The following RAB38 variants were observed in gnomAD, a reference collection of about 807,000 sequenced individuals.
The protein encoded by RAB38 is RAB38, member RAS oncogene family, also known as ras-related protein Rab-38.
In RAB38, 15 loss-of-function variants were observed where a neutral mutation model predicts 18.4. The observed-to-expected ratio is 0.82, with a 90% confidence interval of 0.55 to 1.26. The LOEUF (loss-of-function observed/expected upper bound fraction) is 1.26. RAB38 is among the 50% of genes most tolerant of loss of function. RAB38 has a pLI of 0.00. For synonymous variants in RAB38, 101 were observed against 104.4 expected (o/e 0.97, Z 0.20); for missense variants, 294 against 267.4 (o/e 1.10, Z -0.69).
At chr11:88,013,802 G>A in the RAB38 span, among the ~76,000 whole-genome samples, 1 of 152,164 alleles carries the variant, frequency 6.6e-6, no homozygotes, top group Non-Finnish European at 1.5e-5. Context: ...GGAATGAAAT[G>A]GCTATTTTTC....
chr11:88,114,778 G>GA (rs1319332596), intron 2 of RAB38, among the ~76,000 whole-genome samples: 1 of 152,188 alleles, frequency 6.6e-6, no homozygotes, highest in Non-Finnish European at 1.5e-5. Context: ...CACAGCAATG[G>GA]AAACTCTTTT....
rs945338692 is a variant in RAB38, at chr11:88,113,906, C to G, written c.*82G>C. On this transcript the variant is annotated 3_prime_UTR_variant, in exon 3 of 3. Coordinates refer to ENST00000243662, the MANE Select transcript of RAB38 (RefSeq NM_022337.3). ...GCCACATGTGGTATCTCTATCCTGA[C>G]GTTTACCCAAAATGGTAAAAATAGA... 1 of 1,541,066 alleles carries G rather than the reference C, an allele frequency of 6.5e-7. No individual in the cohort carries two copies. Among genetic ancestry groups the G allele is most frequent in the African/African-American group, 1.4e-5 (1 of 73,416 alleles).
chr11:87,818,297 T>C, the RAB38 span, among the ~76,000 whole-genome samples: 2 of 152,210 alleles, frequency 1.3e-5, no homozygotes, highest in Non-Finnish European at 2.9e-5. Context: ...CAAACTAGTA[T>C]GCCATATTTT....
chr11:87,940,150 A>G, the RAB38 span, among the ~76,000 whole-genome samples: 1 of 143,616 alleles, frequency 7.0e-6, no homozygotes. Flanking sequence ...AAGATTGGAC[A>G]TTTACCCAGA....
the RAB38 span, among the ~76,000 whole-genome samples, chr11:87,945,689 C>G: frequency 1.3e-5 from 2 of 152,112 alleles, no homozygotes; most frequent in Admixed American, 1.3e-4. Context: ...CCAGCATAAG[C>G]TGATCATATT....
chr11:87,957,895 G>C, the RAB38 span, among the ~76,000 whole-genome samples: 3 of 152,014 alleles, frequency 2.0e-5, no homozygotes, highest in Non-Finnish European at 4.4e-5. Flanking sequence ...ACCATATTTT[G>C]GGATATCGTG....
At chr11:87,948,540 G>C in the RAB38 span, among the ~76,000 whole-genome samples, 1 of 151,890 alleles carries the variant, frequency 6.6e-6, no homozygotes, top group Non-Finnish European at 1.5e-5. Flanking sequence ...GTTTGTCATA[G>C]ATAGCTCTTA....
chr11:87,806,156 T>C, the RAB38 span, among the ~76,000 whole-genome samples: 3 of 152,288 alleles, frequency 2.0e-5, no homozygotes, highest in East Asian at 5.8e-4. Context: ...TATGTTTTTT[T>C]GACAGAAAGG....
intron 1 of RAB38, among the ~76,000 whole-genome samples, chr11:88,162,317 C>T (rs1943196069): frequency 6.6e-6 from 1 of 152,114 alleles, no homozygotes; most frequent in African/African-American, 2.4e-5. Context: ...CTGGTACAAT[C>T]TTCCCCTACA....
the RAB38 span, among the ~76,000 whole-genome samples, chr11:87,877,126 A>G: frequency 2.0e-5 from 3 of 151,566 alleles, no homozygotes; most frequent in African/African-American, 7.3e-5. Flanking sequence ...AAACAATATC[A>G]TGCATGGAAG....
At chr11:88,106,510 G>A in the RAB38 span, among the ~76,000 whole-genome samples, 15 of 152,082 alleles carry the variant, frequency 9.9e-5, no homozygotes, top group Non-Finnish European at 2.2e-4. Flanking sequence ...CTAATATAAA[G>A]CATGACCTGG....
the RAB38 span, among the ~76,000 whole-genome samples, chr11:87,890,647 G>T: frequency 5.3e-5 from 8 of 151,764 alleles, no homozygotes; most frequent in African/African-American, 1.9e-4. Context: ...CAAACAGGCC[G>T]GTCTCTAGCC....
chr11:87,808,371 C>G, the RAB38 span, among the ~76,000 whole-genome samples: 1 of 152,076 alleles, frequency 6.6e-6, no homozygotes, highest in Non-Finnish European at 1.5e-5. Flanking sequence ...AAATACTATT[C>G]CACCATAAAA....
the RAB38 span, among the ~76,000 whole-genome samples, chr11:87,934,994 G>C: frequency 2.0e-5 from 3 of 151,882 alleles, no homozygotes; most frequent in African/African-American, 7.3e-5. Flanking sequence ...CTGTGGCCAC[G>C]GTGTAGAGCC....
chr11:87,948,606 G>A, the RAB38 span, among the ~76,000 whole-genome samples: 31 of 152,058 alleles, frequency 2.0e-4, no homozygotes, highest in African/African-American at 7.5e-4. Flanking sequence ...TTAGCATGAA[G>A]GGTTCTTGAA....
chr11:87,909,024 G>C, the RAB38 span, among the ~76,000 whole-genome samples: 1 of 151,914 alleles, frequency 6.6e-6, no homozygotes, highest in Non-Finnish European at 1.5e-5. Flanking sequence ...GTGTATTCCA[G>C]TTCCTCAGGG....
chr11:87,885,438 C>A, the RAB38 span, among the ~76,000 whole-genome samples: 9 of 150,318 alleles, frequency 6.0e-5, no homozygotes, highest in Admixed American at 2.6e-4. Context: ...CCTGCTTCTG[C>A]TCTCTCTGCT....
At chr11:88,057,779 C>CT in the RAB38 span, among the ~76,000 whole-genome samples, 1 of 152,122 alleles carries the variant, frequency 6.6e-6, no homozygotes, top group African/African-American at 2.4e-5. Flanking sequence ...AATTTGTTAT[C>CT]TGTACCTGTG....
At chr11:88,033,725 C>CTTTTTTTT in the RAB38 span, among the ~76,000 whole-genome samples, 10 of 101,118 alleles carry the variant, frequency 9.9e-5, 2 homozygotes, top group Non-Finnish European at 1.3e-4. Flanking sequence ...GTTGTGTTGC[C>CTTTTTTTT]TTTTTTTTTT....
Sources: gnomAD v4.1 joint callset for allele counts (sites outside exome capture counted in the v4.1 genomes callset) on GRCh38, gnomAD v4.1.1 for gene constraint, MANE v1.5 for transcripts, NCBI Gene and HGNC (gene_info 2026-07-23, HGNC 2026-07-21) for gene names.